FOXP1: variants seen among roughly 807,000 people sequenced by gnomAD.
The protein encoded by FOXP1 is forkhead box protein P1.
In FOXP1, 15 loss-of-function variants were observed where a neutral mutation model predicts 98.2. The observed-to-expected ratio is 0.15, with a 90% CI of 0.10 to 0.24. The LOEUF is 0.24. Ranked by LOEUF, FOXP1 falls within the 10% of genes least tolerant of loss-of-function variation. The pLI is 1.00. For missense variants in FOXP1, 633 were observed against 848.5 expected (o/e 0.75, Z 3.15); for synonymous variants, 371 against 314.5 (o/e 1.18, Z -1.90).
intron 4 of FOXP1, among the ~76,000 whole-genome samples, chr3:71,339,657 G>A (rs1247189818): frequency 2.0e-5 from 3 of 152,178 alleles, no homozygotes; most frequent in Non-Finnish European, 4.4e-5. Context: ...AAATTAGCAA[G>A]ATTTTCTGTT....
chr3:71,556,491 C>A (rs2046142059), intron 2 of FOXP1, among the ~76,000 whole-genome samples: 1 of 147,044 alleles, frequency 6.8e-6, no homozygotes, highest in Non-Finnish European at 1.5e-5. Context: ...GCAGGAGAAT[C>A]GCTTGAACTC....
intron 2 of FOXP1, among the ~76,000 whole-genome samples, chr3:71,540,596 A>G (rs1027624172): frequency 3.9e-5 from 6 of 152,204 alleles, no homozygotes; most frequent in African/African-American, 1.4e-4. Context: ...AATCTCATTA[A>G]CTTCTTGGGA....
At chr3:71,539,417 G>T (rs1039230085) in intron 2 of FOXP1, among the ~76,000 whole-genome samples, 1 of 150,750 alleles carries the variant, frequency 6.6e-6, no homozygotes, top group Non-Finnish European at 1.5e-5. Context: ...CGCCGCGCTC[G>T]GTCATCTCTG....
intron 19 of FOXP1, 120 bp downstream of exon 19, chr3:70,970,616 A>C: frequency 1.1e-6 from 1 of 888,380 alleles, no homozygotes; most frequent in Non-Finnish European, 1.9e-6. Context: ...TTGTGCACTT[A>C]AGAAAAAAGT....
intron 2 of FOXP1, among the ~76,000 whole-genome samples, chr3:71,497,403 T>A (rs922593691): frequency 6.6e-6 from 1 of 152,286 alleles, no homozygotes; most frequent in Admixed American, 6.5e-5. Flanking sequence ...GTAGAGTAAG[T>A]GAAAAGTAAA....
chr3:71,515,994 T>C (rs1408642274), intron 2 of FOXP1, among the ~76,000 whole-genome samples: 4 of 152,222 alleles, frequency 2.6e-5, no homozygotes, highest in East Asian at 1.9e-4. Flanking sequence ...TTTTGTTTAA[T>C]CAAACGCTCA....
chr3:71,057,657 A>C (rs2050870814), intron 7 of FOXP1, among the ~76,000 whole-genome samples: 1 of 152,138 alleles, frequency 6.6e-6, no homozygotes, highest in Admixed American at 6.5e-5. Context: ...AAAGAATGCT[A>C]GCATACAAAA....
intron 5 of FOXP1, among the ~76,000 whole-genome samples, chr3:71,277,906 G>A (rs976988132): frequency 6.6e-6 from 1 of 152,106 alleles, no homozygotes; most frequent in African/African-American, 2.4e-5. Flanking sequence ...TGAGGGCCCA[G>A]TTTTGTCTTC....
chr3:71,106,780 T>C (rs1243345143), intron 7 of FOXP1, among the ~76,000 whole-genome samples: 1 of 151,662 alleles, frequency 6.6e-6, no homozygotes. Context: ...GGGATTTTTT[T>C]TTTTTTTTTT....
Position 71,112,650 on chromosome 3 carries a change from A to C in FOXP1, c.181-13T>G, listed in dbSNP as rs139264797. On this transcript the variant is annotated splice_polypyrimidine_tract_variant and intron_variant, in intron 6 of 20. Transcript: ENST00000649528. ...CCACCTGAAGTGCCTGGAAGGAAAA[A>C]CAAGAAAATCCTTTGCGTTACTACA... 4.4e-4 allele frequency: 710 copies of C among 1,605,688 alleles called. 5 individuals are homozygous for C. The African/African-American group carries it at 8.0e-3, about 18-fold the overall frequency.
At chr3:71,421,175 G>A (rs1308712093) in intron 3 of FOXP1, among the ~76,000 whole-genome samples, 1 of 152,124 alleles carries the variant, frequency 6.6e-6, no homozygotes, top group Non-Finnish European at 1.5e-5. Flanking sequence ...CTGAAGCAGA[G>A]ACCTGAGCGA....
chr3:71,394,148 T>C (rs570857161), intron 3 of FOXP1, among the ~76,000 whole-genome samples: 1 of 152,318 alleles, frequency 6.6e-6, no homozygotes, highest in East Asian at 1.9e-4. Flanking sequence ...AAGAGCAGAA[T>C]GTAAATTGTT....
intron 12 of FOXP1, among the ~76,000 whole-genome samples, chr3:71,014,742 A>T (rs909544477): frequency 5.9e-5 from 9 of 152,252 alleles, no homozygotes; most frequent in Non-Finnish European, 2.9e-5. Context: ...GAACCAACCC[A>T]AATGTCCATC....
At chr3:71,110,697 C>G (rs2107733670) in intron 7 of FOXP1, among the ~76,000 whole-genome samples, 1 of 152,274 alleles carries the variant, frequency 6.6e-6, no homozygotes, top group African/African-American at 2.4e-5. Context: ...AACACAATTC[C>G]CAGTCTGACT....
At chr3:71,359,947 C>T (rs147024715) in intron 3 of FOXP1, among the ~76,000 whole-genome samples, 44 of 152,160 alleles carry the variant, frequency 2.9e-4, no homozygotes, top group African/African-American at 1.0e-3. Context: ...TGTCCGCCAC[C>T]GTGTCTGGCT....
intron 2 of FOXP1, among the ~76,000 whole-genome samples, chr3:71,499,704 A>G (rs1261784876): frequency 6.6e-6 from 1 of 152,132 alleles, no homozygotes; most frequent in East Asian, 1.9e-4. Flanking sequence ...TAATTTACAA[A>G]CTTAGTTTCC....
intron 3 of FOXP1, among the ~76,000 whole-genome samples, chr3:71,365,673 A>T (rs572194331): frequency 1.6e-4 from 25 of 152,328 alleles, no homozygotes; most frequent in African/African-American, 6.0e-4. Flanking sequence ...ATTAGAAGCA[A>T]ACTGCTTTCT....
intron 4 of FOXP1, among the ~76,000 whole-genome samples, chr3:71,328,994 A>AAAAAAAAAAAAAC (rs1560314661): frequency 1.3e-5 from 2 of 148,154 alleles, no homozygotes; most frequent in African/African-American, 2.4e-5. Context: ...AAAAAACAAA[A>AAAAAAAAAAAAAC]AAAAAAAAAC....
intron 6 of FOXP1, among the ~76,000 whole-genome samples, chr3:71,118,472 T>C (rs2058534483): frequency 6.6e-6 from 1 of 152,186 alleles, no homozygotes; most frequent in African/African-American, 2.4e-5. Context: ...TTATATAAAA[T>C]ATGGTTTGAA....
Sources: allele counts gnomAD v4.1 joint callset (sites outside exome capture counted in the v4.1 genomes callset), GRCh38; gene constraint gnomAD v4.1.1; transcripts MANE v1.5; gene names NCBI Gene and HGNC (gene_info 2026-07-23, HGNC 2026-07-21).